BNIP3: variants seen among roughly 807,000 people sequenced by gnomAD.
The protein encoded by BNIP3 is BCL2/adenovirus E1B 19 kDa protein-interacting protein 3.
A neutral mutation model predicts 23.9 loss-of-function variants in BNIP3; 16 were observed. The ratio of observed to expected loss-of-function variants is 0.67; its 90% CI spans 0.45 to 1.01. BNIP3 has a LOEUF of 1.01. Among genes scored for constraint, BNIP3 ranks in the 50% least tolerant of loss-of-function variants. The pLI is 0.00. For missense variants in BNIP3, 198 were observed against 248.7 expected (o/e 0.80, Z 1.37); for synonymous variants, 81 against 89.3 (o/e 0.91, Z 0.53).
At chr10:131,968,880 C>T (rs2036995340) in intron 5 of BNIP3, 1 of 250,268 alleles carries the variant, frequency 4.0e-6, no homozygotes, top group Non-Finnish European at 8.0e-6. Context: ...AAGTCACCTA[C>T]CAGGGCAAGA....
rs45569738 is a variant in BNIP3, at chr10:131,970,977, T to C, written c.283-7A>G. The C allele has an allele frequency of 6.2e-7, 1 of 1,612,126 alleles. No individual in the cohort carries two copies. Among genetic ancestry groups the C allele is most frequent in the Admixed American group, 1.7e-5 (1 of 60,028 alleles). On this transcript the variant is annotated splice_region_variant and splice_polypyrimidine_tract_variant and intron_variant, in intron 3 of 5. Transcript: ENST00000368636. The surrounding 1 kb of genome is among the most constrained non-coding windows in gnomAD (Gnocchi z 4.1). ...CAATATCATCTTCCTCAGACTAAGATAAAGTCAATGTTAAAGGCAGATCAG... is the reference window on the plus strand; with the variant it reads ...CAATATCATCTTCCTCAGACTAAGACAAAGTCAATGTTAAAGGCAGATCAG...
At chr10:131,973,278 T>C in intron 2 of BNIP3, 160 bp from the exon 3 acceptor site, 1 of 679,702 alleles carries the variant, frequency 1.5e-6, no homozygotes, top group Non-Finnish European at 2.5e-6. Flanking sequence ...AGAGCCAAAC[T>C]CTTCCTCAGC....
rs376135105 is a variant in BNIP3 at position 131,970,842 on chromosome 10, G to T, written c.389+22C>A. The T allele has an allele frequency of 9.9e-6, 16 of 1,614,036 alleles. No individual in the cohort carries two copies. The highest frequency in any genetic ancestry group is 1.3e-5 in the Non-Finnish European group (15 of 1,179,860). On this transcript the variant is annotated intron_variant, in intron 4 of 5. Coordinates refer to ENST00000368636, the MANE Select transcript of BNIP3 (RefSeq NM_004052.4). This position sits in a 1 kb window ranked among gnomAD's most constrained non-coding sequence, Gnocchi z 4.1. ...GTGTCCTCTGTCAAGGGGTGCCCCC[G>T]TGACACTGAGAACACACTCACTTGG...
chr10:131,981,662 C>A lies in BNIP3; in HGVS notation c.46+99G>T, dbSNP rs576309182. 635 of 1,363,024 alleles carry A rather than the reference C, an allele frequency of 4.7e-4. 5 individuals carry two copies. The African/African-American group carries it at 8.1e-3, about 17-fold the overall frequency. The allele number at this position is 1,363,024 out of a possible 1,614,324, so 84.4% of individuals were successfully genotyped here. On this transcript the variant is annotated intron_variant, in intron 1 of 5. Coordinates refer to ENST00000368636, the MANE Select transcript of BNIP3 (RefSeq NM_004052.4). The stretch of plus-strand genomic sequence containing the variant: ...CAGCCTCGCCCGGCCCGCGATGCCC[C>A]CTAGGCCTCCCCGGCAACCTCCCCT...
chr10:131,974,917 C>T (rs2037068050), intron 1 of BNIP3, among the ~76,000 whole-genome samples: 1 of 152,170 alleles, frequency 6.6e-6, no homozygotes. Context: ...TCCCTTACTG[C>T]TAAAAGTGCA....
intron 1 of BNIP3, among the ~76,000 whole-genome samples, chr10:131,974,659 C>T (rs879920252): frequency 2.0e-5 from 3 of 152,224 alleles, no homozygotes; most frequent in African/African-American, 4.8e-5. Flanking sequence ...GGATTACAGG[C>T]GTGAGCCACC....
At chr10:131,978,685 C>G (rs1421884536) in intron 1 of BNIP3, among the ~76,000 whole-genome samples, 2 of 152,202 alleles carry the variant, frequency 1.3e-5, no homozygotes, top group African/African-American at 4.8e-5. Context: ...AAAGCCTAGC[C>G]TCAGCCCACT....
In BNIP3 at chr10:131,973,934, A is replaced by G. The variant is rs2037061320; in HGVS notation, c.56T>C (p.Val19Ala). 1 of 1,613,854 alleles carries G rather than the reference A, an allele frequency of 6.2e-7. No homozygotes were observed. The highest frequency in any genetic ancestry group is 2.2e-5 in the East Asian group (1 of 44,886). Reference sequence around the variant, plus strand: ...CCCATTATTGCTGAAGTGCAGTTCTACCCAGGAGCCTGATGGGGACAAAAA... The same window carrying G: ...CCCATTATTGCTGAAGTGCAGTTCTGCCCAGGAGCCTGATGGGGACAAAAA... ...MQEESLQGSW[V>A]ELHFSNNGNG... Residue 19 changes from valine (V) to alanine (A), a missense_variant, in exon 2 of 6, where the codon GTA becomes GCA. Coordinates refer to ENST00000368636, the MANE Select transcript of BNIP3 (RefSeq NM_004052.4).
At chr10:131,981,436 G>C (rs2037117937) in intron 1 of BNIP3, 1 of 392,106 alleles carries the variant, frequency 2.6e-6, no homozygotes, top group Non-Finnish European at 4.6e-6. Flanking sequence ...CGGTCCAACT[G>C]CGAGACGCAG....
At chr10:131,973,340 G>T (rs921983773) in intron 2 of BNIP3, 1 of 533,732 alleles carries the variant, frequency 1.9e-6, no homozygotes, top group Non-Finnish European at 3.4e-6. Flanking sequence ...CAGAGAAGAC[G>T]CAGGGGCAAC....
intron 1 of BNIP3, 112 bp from the exon 2 acceptor site, chr10:131,974,055 C>T: frequency 7.3e-7 from 1 of 1,366,304 alleles, no homozygotes; most frequent in South Asian, 1.3e-5. Context: ...AATGGTGCCA[C>T]ACCAGGAACC....
intron 1 of BNIP3, among the ~76,000 whole-genome samples, chr10:131,978,223 A>C (rs1310061506): frequency 2.6e-5 from 4 of 152,054 alleles, no homozygotes; most frequent in Admixed American, 2.0e-4. Flanking sequence ...ACAGCCAGTA[A>C]ATCTTACCTC....
rs925180732 is a variant in BNIP3, at chr10:131,981,891, C to T, written c.-85G>A. 12 of 1,350,562 alleles carry T rather than the reference C, an allele frequency of 8.9e-6. No homozygotes were observed. The highest frequency in any genetic ancestry group is 1.0e-5 in the Non-Finnish European group (11 of 1,052,658). 83.7% of individuals were successfully genotyped at this position (1,350,562 alleles called of 1,614,324 possible). A position where few individuals can be genotyped will look rare whatever the true frequency, so the allele number is the denominator to read the frequency against. On this transcript the variant is annotated 5_prime_UTR_variant, in exon 1 of 6. Transcript: ENST00000368636. ...CTGCGGGCGGTGGGAAAGCGGAGGT[C>T]GGAGCGCCGCGGCCCAGCTGCGCTC...
At position 131,970,982 on chromosome 10, in the gene BNIP3, T is replaced by G; in HGVS notation, c.283-12A>C. On this transcript the variant is annotated splice_polypyrimidine_tract_variant and intron_variant, in intron 3 of 5. Coordinates refer to ENST00000368636, the MANE Select transcript of BNIP3 (RefSeq NM_004052.4). This position sits in a 1 kb window ranked among gnomAD's most constrained non-coding sequence, Gnocchi z 4.1. The stretch of plus-strand genomic sequence containing the variant: ...TCATCTTCCTCAGACTAAGATAAAG[T>G]CAATGTTAAAGGCAGATCAGTGTAC... 6.2e-7 allele frequency: 1 copy of G among 1,611,028 alleles called. No homozygotes were observed. The highest frequency in any genetic ancestry group is 8.5e-7 in the Non-Finnish European group (1 of 1,178,760).
rs531796008 is a variant in BNIP3 at position 131,981,885 on chromosome 10, G to A, written c.-79C>T. The A allele has an allele frequency of 3.7e-6, 5 of 1,365,026 alleles. No homozygotes were observed. Among genetic ancestry groups the A allele is most frequent in the South Asian group, 1.7e-5 (1 of 59,034 alleles). The allele number at this position is 1,365,026 out of a possible 1,614,324, so 84.6% of individuals were successfully genotyped here. A position where few individuals can be genotyped will look rare whatever the true frequency, so the allele number is the denominator to read the frequency against. On this transcript the variant is annotated 5_prime_UTR_variant, in exon 1 of 6. Coordinates refer to ENST00000368636, the MANE Select transcript of BNIP3 (RefSeq NM_004052.4). ...CTTCAGCTGCGGGCGGTGGGAAAGC[G>A]GAGGTCGGAGCGCCGCGGCCCAGCT...
chr10:131,977,639 A>G (rs951195286), intron 1 of BNIP3, among the ~76,000 whole-genome samples: 3 of 152,052 alleles, frequency 2.0e-5, no homozygotes, highest in East Asian at 1.9e-4. Context: ...AATCCCATTC[A>G]CTAGAGAGGA....
At chr10:131,977,404 G>A (rs1446539479) in intron 1 of BNIP3, among the ~76,000 whole-genome samples, 2 of 152,196 alleles carry the variant, frequency 1.3e-5, no homozygotes. Context: ...AACAGGGAGA[G>A]GAAGATGAAG....
intron 3 of BNIP3, among the ~76,000 whole-genome samples, chr10:131,971,786 A>C (rs983861475): frequency 6.6e-6 from 1 of 152,196 alleles, no homozygotes; most frequent in Non-Finnish European, 1.5e-5. Context: ...GCACCCACAC[A>C]CCCACAGCCA....
intron 3 of BNIP3, 66 bp from the exon 4 acceptor site, chr10:131,971,036 C>T: frequency 7.0e-7 from 1 of 1,428,724 alleles, no homozygotes; most frequent in African/African-American, 1.4e-5. Flanking sequence ...GCACCCAGCT[C>T]CCACCCGAGC....
Sources: allele counts gnomAD v4.1 joint callset (sites outside exome capture counted in the v4.1 genomes callset), GRCh38; gene constraint gnomAD v4.1.1; non-coding constraint Gnocchi (gnomAD v3.1); transcripts MANE v1.5; gene names NCBI Gene and HGNC (gene_info 2026-07-23, HGNC 2026-07-21).